KLHL4: variants seen among roughly 807,000 people sequenced by gnomAD.
The protein encoded by KLHL4 is kelch like family member 4.
In KLHL4, 17 loss-of-function variants were observed where a neutral mutation model predicts 45.8. That is an observed-to-expected ratio of 0.37 (90% CI 0.25 to 0.56). The LOEUF (loss-of-function observed/expected upper bound fraction) is 0.56, where lower values mean the gene tolerates loss of function less well. KLHL4 is among the 20% of genes least tolerant of loss of function. The probability of loss-of-function intolerance (pLI) is 0.79; values close to 1 mark genes in which losing one functional copy is unlikely to be tolerated. For synonymous variants in KLHL4, 224 were observed against 189.9 expected, an observed-to-expected ratio of 1.18 and a Z score of -1.47; for missense variants, 544 against 544.9, an observed-to-expected ratio of 1.00 and a Z score of 0.02.
chrX:87,660,847 AAAACAAAC>A (rs571528897), intron 9 of KLHL4, among the ~76,000 whole-genome samples: 12 of 112,401 alleles, frequency 1.1e-4, no homozygotes, highest in Admixed American at 1.9e-4. Context: ...CTGTCTTTAA[AAAACAAAC>A]AAACAAACAA....
At chrX:87,622,071 G>GAGCACCT in intron 4 of KLHL4, 140 bp from the exon 5 acceptor site, 1 of 456,723 alleles carries the variant, frequency 2.2e-6, no homozygotes, top group South Asian at 3.8e-5. Flanking sequence ...CAGGTAGCAG[G>GAGCACCT]AGCACCTATT....
rs1397609464 is a variant in KLHL4, at chrX:87,622,356, T to C, written c.1070T>C (p.Val357Ala). ...CTAATGCAGTGGGTGGGGCATGATG[T>C]GCAGAATAGGCAAGGAGAACTGGGG... ...HALMQWVGHD[V>A]QNRQGELGML... Residue 357 changes from valine to alanine, a missense_variant, in exon 5 of 11, where the codon GTG (valine) becomes GCG (alanine). Physicochemically the swap from Val to Ala is moderately conservative, Grantham distance 64. Transcript: ENST00000373119. The C allele has an allele frequency of 3.3e-6, 4 of 1,207,990 alleles. No individual in the cohort carries two copies. In the Admixed American group the frequency reaches 6.6e-5, roughly 20 times the overall value.
At chrX:87,524,751 G>A (rs1000073224) in intron 1 of KLHL4, among the ~76,000 whole-genome samples, 11 of 111,722 alleles carry the variant, frequency 9.8e-5, no homozygotes, top group Non-Finnish European at 1.9e-4. Flanking sequence ...TATGAATATT[G>A]GTTACTTAAT....
At chrX:87,540,257 CTAAGT>C (rs1337439559) in intron 1 of KLHL4, among the ~76,000 whole-genome samples, 1 of 110,939 alleles carries the variant, frequency 9.0e-6, no homozygotes, top group Admixed American at 9.6e-5. Context: ...CTAGGCTACA[CTAAGT>C]TAATTAAAAT....
chrX:87,655,583 C>T (rs1021250717), intron 9 of KLHL4, among the ~76,000 whole-genome samples: 2 of 111,035 alleles, frequency 1.8e-5, no homozygotes, highest in East Asian at 5.6e-4. Flanking sequence ...GTGTCTTTAT[C>T]AATAAGGTGA....
At chrX:87,643,158 G>A (rs1266340550) in intron 9 of KLHL4, among the ~76,000 whole-genome samples, 2 of 111,513 alleles carry the variant, frequency 1.8e-5, no homozygotes, top group South Asian at 7.4e-4. Flanking sequence ...AAATAAAACT[G>A]ATAGACCATT....
At chrX:87,573,283 A>G (rs1920996924) in intron 1 of KLHL4, among the ~76,000 whole-genome samples, 1 of 111,471 alleles carries the variant, frequency 9.0e-6, no homozygotes, top group Non-Finnish European at 1.9e-5. Flanking sequence ...CCTAGTGCAT[A>G]GCCCATAAAT....
chrX:87,666,358 C>A, intron 10 of KLHL4, 117 bp from the exon 11 acceptor site: 1 of 605,024 alleles, frequency 1.7e-6, no homozygotes, highest in Non-Finnish European at 2.3e-6. Context: ...CATCTTTAGA[C>A]AAGGTGATGT....
At chrX:87,528,196 A>G (rs1175196416) in intron 1 of KLHL4, among the ~76,000 whole-genome samples, 2 of 112,125 alleles carry the variant, frequency 1.8e-5, no homozygotes, top group African/African-American at 6.5e-5. Flanking sequence ...AGAGATAGAT[A>G]TAATGAAAAA....
chrX:87,613,149 C>T (rs768149866), intron 1 of KLHL4, among the ~76,000 whole-genome samples: 82 of 111,513 alleles, frequency 7.4e-4, no homozygotes, highest in African/African-American at 2.2e-3. Flanking sequence ...AAAATGATGC[C>T]TGGATGCAAG....
intron 1 of KLHL4, among the ~76,000 whole-genome samples, chrX:87,586,407 C>A (rs774989479): frequency 9.0e-6 from 1 of 111,042 alleles, no homozygotes; most frequent in Non-Finnish European, 1.9e-5. Flanking sequence ...TCAAAAAAAA[C>A]CTGAAATAAT....
chrX:87,626,651 T>TAA (rs141379060), intron 6 of KLHL4, among the ~76,000 whole-genome samples: 35,966 of 100,197 alleles, frequency 0.36, 5,535 homozygotes, highest in Middle Eastern at 0.46. Flanking sequence ...TATGTAGCTT[T>TAA]AAAAAAAAAA....
intron 1 of KLHL4, among the ~76,000 whole-genome samples, chrX:87,533,038 A>G (rs1391735508): frequency 1.9e-5 from 2 of 106,138 alleles, no homozygotes; most frequent in Non-Finnish European, 1.9e-5. Context: ...GGCAATCATT[A>G]AAAAGTCAGG....
chrX:87,558,896 C>G (rs1178752591), intron 1 of KLHL4, among the ~76,000 whole-genome samples: 1 of 111,670 alleles, frequency 9.0e-6, no homozygotes, highest in Non-Finnish European at 1.9e-5. Context: ...GTGGTAAAAA[C>G]AAACTAAGAA....
intron 7 of KLHL4, 70 bp from the exon 8 acceptor site, chrX:87,633,679 T>C: frequency 1.1e-6 from 1 of 939,558 alleles, no homozygotes; most frequent in Non-Finnish European, 1.4e-6. Context: ...AGTTAATTGC[T>C]TGCAAAATGA....
chrX:87,548,000 A>G (rs1931721557), intron 1 of KLHL4, among the ~76,000 whole-genome samples: 1 of 111,898 alleles, frequency 8.9e-6, no homozygotes, highest in Admixed American at 9.5e-5. Flanking sequence ...CCAATATCCA[A>G]GTATAAGAAG....
intron 1 of KLHL4, among the ~76,000 whole-genome samples, chrX:87,582,332 C>G (rs1436410204): frequency 8.9e-6 from 1 of 111,802 alleles, no homozygotes; most frequent in Non-Finnish European, 1.9e-5. Flanking sequence ...CCACCACTTC[C>G]CCAACATCCA....
chrX:87,564,947 T>C (rs1220497185), intron 1 of KLHL4, among the ~76,000 whole-genome samples: 1 of 111,821 alleles, frequency 8.9e-6, no homozygotes, highest in East Asian at 2.8e-4. Context: ...ATTTTAAAAG[T>C]ATGTAAATAC....
At chrX:87,525,120 A>AACTACATG (rs1188615968) in intron 1 of KLHL4, among the ~76,000 whole-genome samples, 1 of 112,141 alleles carries the variant, frequency 8.9e-6, no homozygotes, top group Admixed American at 9.5e-5. Flanking sequence ...AACATCTAGT[A>AACTACATG]ACTACATGCA....
Sources: allele counts gnomAD v4.1 joint callset (sites outside exome capture counted in the v4.1 genomes callset), GRCh38; gene constraint gnomAD v4.1.1; transcripts MANE v1.5; gene names NCBI Gene and HGNC (gene_info 2026-07-23, HGNC 2026-07-21).